FHOD3: variants seen among roughly 807,000 people sequenced by gnomAD.
FHOD3 encodes formin homology 2 domain containing 3.
In FHOD3, 90 loss-of-function variants were observed where a neutral mutation model predicts 173.0. The observed-to-expected ratio is 0.52, with a 90% CI of 0.44 to 0.62. FHOD3 has a LOEUF of 0.62. FHOD3 is among the 20% of genes least tolerant of loss of function. The probability of loss-of-function intolerance (pLI) is 0.00; values close to 1 mark genes in which losing one functional copy is unlikely to be tolerated. For missense variants in FHOD3, 1,945 were observed against 2,034.7 expected, an observed-to-expected ratio of 0.96 and a Z score of 0.85; for synonymous variants, 828 against 823.0, an observed-to-expected ratio of 1.01 and a Z score of -0.10.
chr18:36,430,347 G>A (rs150714713), intron 3 of FHOD3, among the ~76,000 whole-genome samples: 2,090 of 152,248 alleles, frequency 0.014, 47 homozygotes, highest in African/African-American at 0.047. Flanking sequence ...CTCCTGAGTA[G>A]CTGGGATTAC....
At chr18:36,695,804 T>C (rs1194698199) in intron 17 of FHOD3, among the ~76,000 whole-genome samples, 1 of 152,220 alleles carries the variant, frequency 6.6e-6, no homozygotes, top group African/African-American at 2.4e-5. Flanking sequence ...CCTACTTTAT[T>C]CTTTGAAGCA....
At chr18:36,607,172 T>C (rs1273408986) in intron 8 of FHOD3, among the ~76,000 whole-genome samples, 1 of 152,266 alleles carries the variant, frequency 6.6e-6, no homozygotes, top group African/African-American at 2.4e-5. Context: ...AATCTCTTCC[T>C]GGGACCCTAG....
chr18:36,568,326 C>CAAAAAAAAAA (rs71168234), intron 5 of FHOD3, among the ~76,000 whole-genome samples: 1 of 24,046 alleles, frequency 4.2e-5, no homozygotes, highest in African/African-American at 1.6e-4. Flanking sequence ...GACTCTGTCT[C>CAAAAAAAAAA]AAAAAAAAAA....
chr18:36,505,440 A>G (rs1358428369), intron 4 of FHOD3, among the ~76,000 whole-genome samples: 2 of 152,206 alleles, frequency 1.3e-5, no homozygotes, highest in Admixed American at 6.5e-5. Context: ...ATAGGAAAAC[A>G]TTGCATGAAG....
Position 36,760,737 on chromosome 18 carries a change from G to A in FHOD3, c.4579G>A (p.Ala1527Thr). Residue 1527 changes from alanine to threonine, a missense_variant, in exon 27 of 29, where the codon GCC (alanine) becomes ACC (threonine). By Grantham distance (58) the Ala-to-Thr change is moderately conservative. This residue lies in a region of FHOD3 where 354 missense variants were observed against 359.9 expected (regional missense o/e 0.98). Coordinates refer to ENST00000590592, the MANE Select transcript of FHOD3 (RefSeq NM_001281740.3). ...AACCTCGTCCCCCTCCGTGGAGGAC[G>A]CCACCCCCGCGCTGGGCGTCCGCAC... Reference protein sequence around the residue: ...LKTSSPSVEDATPALGVRTRS... With the variant: ...LKTSSPSVEDTTPALGVRTRS... The A allele has an allele frequency of 5.0e-6, 8 of 1,612,630 alleles. No homozygotes were observed. Among genetic ancestry groups the A allele is most frequent in the Non-Finnish European group, 5.9e-6 (7 of 1,179,880 alleles).
chr18:36,388,463 T>C (rs1024962630), intron 3 of FHOD3, among the ~76,000 whole-genome samples: 1 of 152,244 alleles, frequency 6.6e-6, no homozygotes. Flanking sequence ...CATGTCCATC[T>C]TGCCTTCTTT....
intron 3 of FHOD3, among the ~76,000 whole-genome samples, chr18:36,427,642 C>T (rs1274805623): frequency 6.6e-6 from 1 of 152,214 alleles, no homozygotes; most frequent in Non-Finnish European, 1.5e-5. Context: ...CCAGTAGCTG[C>T]TATGGATCAC....
chr18:36,300,731 CT>C (rs201560108), intron 1 of FHOD3, among the ~76,000 whole-genome samples: 14,968 of 148,064 alleles, frequency 0.1, 787 homozygotes, highest in Admixed American at 0.17. Flanking sequence ...AGGGAGTCAA[CT>C]TTTTTTTTTT....
At chr18:36,496,638 A>G (rs73947190) in intron 3 of FHOD3, among the ~76,000 whole-genome samples, 1,674 of 152,352 alleles carry the variant, frequency 0.011, 30 homozygotes, top group African/African-American at 0.038. Flanking sequence ...TTCCAAAGAC[A>G]GTACTCTAGA....
intron 3 of FHOD3, among the ~76,000 whole-genome samples, chr18:36,446,791 G>A (rs2051508845): frequency 6.6e-6 from 1 of 152,106 alleles, no homozygotes. Flanking sequence ...GTTGTTAAAT[G>A]TACGCATCTC....
At chr18:36,378,804 T>C (rs1422695918) in intron 3 of FHOD3, among the ~76,000 whole-genome samples, 1 of 152,158 alleles carries the variant, frequency 6.6e-6, no homozygotes, top group Non-Finnish European at 1.5e-5. Context: ...TGCCTCAGCC[T>C]CCTGAGTAGC....
chr18:36,565,269 T>A (rs963055469), intron 5 of FHOD3, among the ~76,000 whole-genome samples: 4 of 152,194 alleles, frequency 2.6e-5, no homozygotes, highest in African/African-American at 9.7e-5. Flanking sequence ...ATTTTAATGG[T>A]CTGATTAAAA....
chr18:36,765,457 A>T (rs2043101809), intron 27 of FHOD3, among the ~76,000 whole-genome samples: 1 of 152,252 alleles, frequency 6.6e-6, no homozygotes, highest in Admixed American at 6.5e-5. Context: ...CAGGAATAAC[A>T]TGAAAATATG....
At chr18:36,649,892 G>A (rs1467524140) in intron 11 of FHOD3, among the ~76,000 whole-genome samples, 2 of 152,104 alleles carry the variant, frequency 1.3e-5, no homozygotes, top group African/African-American at 2.4e-5. Context: ...TTCACCCCAT[G>A]CATCATAGCA....
At chr18:36,640,564 T>C (rs1386050498) in intron 10 of FHOD3, among the ~76,000 whole-genome samples, 1 of 152,210 alleles carries the variant, frequency 6.6e-6, no homozygotes, top group African/African-American at 2.4e-5. Context: ...TGTAACAAAA[T>C]ATTTCTATGA....
chr18:36,764,022 T>C (rs1231708936), intron 27 of FHOD3, among the ~76,000 whole-genome samples: 2 of 152,210 alleles, frequency 1.3e-5, no homozygotes, highest in Admixed American at 1.3e-4. Flanking sequence ...AGCCTTTTAG[T>C]GACCAAGAGC....
Position 36,773,575 on chromosome 18 carries a change from G to A in FHOD3, c.4786+4149G>A, listed in dbSNP as rs2000692. The stretch of plus-strand genomic sequence containing the variant: ...AGTTATCTTTTGTACGATGAAGGCA[G>A]TAGTGCCAGCTTCCTGGGACGGTTG... On this transcript the variant is annotated intron_variant, in intron 28 of 28. Coordinates refer to ENST00000590592, the MANE Select transcript of FHOD3 (RefSeq NM_001281740.3). Among the ~76,000 whole-genome samples, 592 of 152,322 alleles carry A rather than the reference G, an allele frequency of 3.9e-3. 1 individual carries two copies. Among genetic ancestry groups the A allele is most frequent in the African/African-American group, 0.014 (567 of 41,562 alleles).
At chr18:36,767,822 A>C (rs1472061535) in intron 27 of FHOD3, among the ~76,000 whole-genome samples, 1 of 151,564 alleles carries the variant, frequency 6.6e-6, no homozygotes, top group Non-Finnish European at 1.5e-5. Context: ...TGTCAACTAC[A>C]CACACACACA....
At position 36,297,746 on chromosome 18, in the gene FHOD3, C is replaced by G. The variant is rs2091830463; in HGVS notation, c.-90C>G. On this transcript the variant is annotated 5_prime_UTR_variant, in exon 1 of 29. Coordinates refer to ENST00000590592, the MANE Select transcript of FHOD3 (RefSeq NM_001281740.3). ...GAGTCCGCGAGCCAGCGAGCTGCGG[C>G]TGCGGCCTCCCCTGCGCGCAGCTAC... The G allele has an allele frequency of 5.6e-6, 6 of 1,070,900 alleles. No homozygotes were observed. The South Asian group carries it at 1.8e-4, about 33-fold the overall frequency. 66.3% of individuals were successfully genotyped at this position (1,070,900 alleles called of 1,614,324 possible). A position where few individuals can be genotyped will look rare whatever the true frequency, so the allele number is the denominator to read the frequency against.
Sources: allele counts gnomAD v4.1 joint callset (sites outside exome capture counted in the v4.1 genomes callset), GRCh38; gene constraint gnomAD v4.1.1; regional missense constraint gnomAD v4.1.1; transcripts MANE v1.5; gene names NCBI Gene and HGNC (gene_info 2026-07-23, HGNC 2026-07-21).